Variants in EPB41L2 observed in about 807,000 individuals in gnomAD.
The protein encoded by EPB41L2 is erythrocyte membrane protein band 4.1 like 2.
In EPB41L2, 43 loss-of-function variants were observed where a neutral mutation model predicts 113.0. The observed-to-expected ratio is 0.38, with a 90% CI of 0.30 to 0.49. EPB41L2 has a LOEUF of 0.49. EPB41L2 is among the 20% of genes least tolerant of loss of function. The probability of loss-of-function intolerance (pLI) is 0.95; values close to 1 mark genes in which losing one functional copy is unlikely to be tolerated. For synonymous variants in EPB41L2, 442 were observed against 436.7 expected (o/e 1.01, Z -0.15); for missense variants, 1,147 against 1,223.4 (o/e 0.94, Z 0.93).
chr6:131,016,734 C>T (rs1301141016), intron 1 of EPB41L2, among the ~76,000 whole-genome samples: 2 of 151,696 alleles, frequency 1.3e-5, no homozygotes, highest in African/African-American at 2.4e-5. Context: ...CACTGGAGCC[C>T]GGGAGGCAGA....
At chr6:130,909,338 T>TC (rs55708092) in intron 4 of EPB41L2, among the ~76,000 whole-genome samples, 10,892 of 152,198 alleles carry the variant, frequency 0.072, 557 homozygotes, top group Admixed American at 0.13. Flanking sequence ...GAACTACTCC[T>TC]CCTCCTTAAT....
At chr6:130,978,591 G>A (rs990919114) in intron 1 of EPB41L2, 2 of 152,084 alleles carry the variant, frequency 1.3e-5, no homozygotes, top group African/African-American at 4.8e-5. Flanking sequence ...CTAATATCAA[G>A]CCATTATACT....
intron 3 of EPB41L2, among the ~76,000 whole-genome samples, chr6:130,928,132 CAA>C (rs528133880): frequency 3.6e-4 from 55 of 152,178 alleles, no homozygotes; most frequent in African/African-American, 1.2e-3. Flanking sequence ...AAAAATAAAA[CAA>C]TGTGTCACAT....
chr6:130,915,078 C>A (rs533415201), intron 4 of EPB41L2, among the ~76,000 whole-genome samples: 1 of 151,418 alleles, frequency 6.6e-6, no homozygotes, highest in Non-Finnish European at 1.5e-5. Context: ...CCGAGGCGGG[C>A]GGATCACGAG....
At chr6:130,905,690 G>T (rs1797531090) in intron 5 of EPB41L2, among the ~76,000 whole-genome samples, 1 of 152,098 alleles carries the variant, frequency 6.6e-6, no homozygotes, top group Admixed American at 6.5e-5. Context: ...AAAGTGTTGG[G>T]ATTACAGGCA....
chr6:131,042,230 A>T (rs1485186937), intron 1 of EPB41L2, among the ~76,000 whole-genome samples: 1 of 152,242 alleles, frequency 6.6e-6, no homozygotes, highest in Non-Finnish European at 1.5e-5. Context: ...CAGCATCTTC[A>T]CCTCATCATA....
intron 1 of EPB41L2, among the ~76,000 whole-genome samples, chr6:131,002,330 G>A (rs769926633): frequency 1.3e-5 from 2 of 152,190 alleles, no homozygotes; most frequent in Non-Finnish European, 2.9e-5. Context: ...GCACTATGGA[G>A]TCGAGGGAAA....
intron 1 of EPB41L2, among the ~76,000 whole-genome samples, chr6:130,988,573 A>G (rs1430953037): frequency 6.6e-6 from 1 of 152,210 alleles, no homozygotes; most frequent in African/African-American, 2.4e-5. Context: ...ACAGCAGGGC[A>G]TCCGAAGGGG....
chr6:131,008,089 T>C (rs1009046303), intron 1 of EPB41L2, among the ~76,000 whole-genome samples: 1 of 152,238 alleles, frequency 6.6e-6, no homozygotes, highest in African/African-American at 2.4e-5. Flanking sequence ...CTCCAGGGTA[T>C]GTGAGAGACC....
intron 10 of EPB41L2, among the ~76,000 whole-genome samples, chr6:130,893,953 A>G (rs1323007729): frequency 6.6e-6 from 1 of 152,124 alleles, no homozygotes; most frequent in African/African-American, 2.4e-5. Context: ...TGGTGGAAGG[A>G]AAGGTGGTTA....
chr6:130,851,336 C>A (rs1345823964), intron 19 of EPB41L2, among the ~76,000 whole-genome samples: 1 of 152,154 alleles, frequency 6.6e-6, no homozygotes, highest in Non-Finnish European at 1.5e-5. Context: ...GTTTTGAAAC[C>A]CTGCACATCA....
At chr6:130,878,347 C>G in intron 13 of EPB41L2, 97 bp from the exon 14 acceptor site, 1 of 1,323,074 alleles carries the variant, frequency 7.6e-7, no homozygotes, top group Non-Finnish European at 1.0e-6. Flanking sequence ...AGCAAACTTA[C>G]GATTAAAAAA....
chr6:130,885,640 T>C (rs1790705770), intron 11 of EPB41L2, among the ~76,000 whole-genome samples: 1 of 152,154 alleles, frequency 6.6e-6, no homozygotes, highest in Admixed American at 6.5e-5. Flanking sequence ...CTACGATTTA[T>C]TTCTGAATCT....
chr6:130,884,524 A>C (rs1790314376), intron 12 of EPB41L2, among the ~76,000 whole-genome samples: 1 of 152,226 alleles, frequency 6.6e-6, no homozygotes, highest in African/African-American at 2.4e-5. Flanking sequence ...CCAAGGTAAC[A>C]AAAGATAACA....
rs1796177989 is a variant in EPB41L2, at chr6:131,049,812, C to T, written c.-15+13343G>A. Reference sequence around the variant, plus strand: ...CTCTGTCTACCTTCAGGGCTCAAGACACAAATATATAAAAGCTACAGGACA... The same window carrying T: ...CTCTGTCTACCTTCAGGGCTCAAGATACAAATATATAAAAGCTACAGGACA... On this transcript the variant is annotated intron_variant, in intron 1 of 19. Transcript: ENST00000337057. Among the ~76,000 whole-genome samples, 3 of 152,146 alleles carry T rather than the reference C, an allele frequency of 2.0e-5. No homozygotes were observed. The South Asian group carries it at 6.2e-4, about 32-fold the overall frequency.
At chr6:131,001,582 G>C (rs1784390431) in intron 1 of EPB41L2, among the ~76,000 whole-genome samples, 1 of 152,052 alleles carries the variant, frequency 6.6e-6, no homozygotes, top group African/African-American at 2.4e-5. Context: ...ATCTCTACCG[G>C]AGTTTCCCCA....
At chr6:130,868,718 T>G (rs1007872962) in intron 15 of EPB41L2, 4 of 152,180 alleles carry the variant, frequency 2.6e-5, no homozygotes, top group African/African-American at 7.2e-5. Context: ...TCAAGAAATA[T>G]TCCCAAGGAA....
intron 1 of EPB41L2, among the ~76,000 whole-genome samples, chr6:130,980,139 AC>A (rs1223245246): frequency 4.6e-5 from 7 of 152,210 alleles, no homozygotes; most frequent in African/African-American, 1.7e-4. Flanking sequence ...ATGGCTACTA[AC>A]CTCAAAGAGC....
intron 7 of EPB41L2, 140 bp from the exon 8 acceptor site, chr6:130,899,718 A>G: frequency 1.5e-6 from 1 of 683,170 alleles, no homozygotes; most frequent in South Asian, 1.8e-5. Flanking sequence ...GGAAATGGTA[A>G]GAAAACAACT....
Sources: allele counts gnomAD v4.1 joint callset (sites outside exome capture counted in the v4.1 genomes callset), GRCh38; gene constraint gnomAD v4.1.1; transcripts MANE v1.5; gene names NCBI Gene and HGNC (gene_info 2026-07-23, HGNC 2026-07-21).